The following SYT14 variants were observed in gnomAD, a reference collection of about 807,000 sequenced individuals.
The protein encoded by SYT14 is synaptotagmin 14.
SYT14 carries 32 observed loss-of-function variants against 74.2 expected under a neutral mutation model. The observed-to-expected ratio is 0.43, with a 90% CI of 0.33 to 0.58. SYT14 has a LOEUF of 0.58. Among genes scored for constraint, SYT14 ranks in the 20% least tolerant of loss-of-function variants. The pLI, the probability that SYT14 is intolerant of heterozygous loss-of-function variation, is 0.05. For synonymous variants in SYT14, 298 were observed against 337.7 expected (o/e 0.88, Z 1.29); for missense variants, 791 against 981.8 (o/e 0.81, Z 2.60).
intron 7 of SYT14, among the ~76,000 whole-genome samples, chr1:210,147,161 T>A (rs892303482): frequency 6.7e-6 from 1 of 149,958 alleles, no homozygotes; most frequent in African/African-American, 2.5e-5. Flanking sequence ...AAAGAAGTAA[T>A]AGAAACTACA....
intron 8 of SYT14, among the ~76,000 whole-genome samples, chr1:210,158,929 A>G (rs2083320676): frequency 1.3e-5 from 2 of 152,120 alleles, no homozygotes; most frequent in South Asian, 4.1e-4. Flanking sequence ...ATTTTTCCAA[A>G]GAAAGAGCAA....
chr1:210,037,054 C>A (rs1162250397), intron 5 of SYT14, among the ~76,000 whole-genome samples: 1 of 151,792 alleles, frequency 6.6e-6, no homozygotes, highest in African/African-American at 2.4e-5. Context: ...TTTATCTGGT[C>A]CTGGGCTTTT....
At chr1:210,017,457 T>G (rs1331562281) in intron 4 of SYT14, among the ~76,000 whole-genome samples, 5 of 152,170 alleles carry the variant, frequency 3.3e-5, no homozygotes, top group Non-Finnish European at 5.9e-5. Flanking sequence ...CATTTGAAAT[T>G]TTTATATAAC....
chr1:210,159,444 C>T, exon 9 of SYT14: 1 of 1,551,442 alleles, frequency 6.4e-7, no homozygotes, highest in Non-Finnish European at 8.7e-7. Context: ...TTGTCTAAAA[C>T]ACTTGATAGG....
intron 7 of SYT14, among the ~76,000 whole-genome samples, chr1:210,103,469 G>A (rs1297986176): frequency 4.2e-5 from 6 of 142,758 alleles, no homozygotes; most frequent in African/African-American, 1.3e-4. Context: ...AGAATGGTGT[G>A]AACCCAGGAG....
At chr1:210,125,295 G>C (rs2082547731) in intron 7 of SYT14, among the ~76,000 whole-genome samples, 1 of 141,682 alleles carries the variant, frequency 7.1e-6, no homozygotes, top group Non-Finnish European at 1.5e-5. Context: ...CCACTTACAA[G>C]TGAGAACATA....
At chr1:210,026,774 A>G (rs1230251889) in intron 5 of SYT14, among the ~76,000 whole-genome samples, 1 of 139,584 alleles carries the variant, frequency 7.2e-6, no homozygotes, top group Admixed American at 7.3e-5. Context: ...TGCTTTTATA[A>G]TAATTTAATA....
chr1:209,980,915 G>A (rs1313737017), intron 2 of SYT14, among the ~76,000 whole-genome samples: 1 of 152,146 alleles, frequency 6.6e-6, no homozygotes. Flanking sequence ...GCTTAGGATT[G>A]TCTTGGCTAT....
chr1:210,133,137 A>C (rs1426342290), intron 7 of SYT14, among the ~76,000 whole-genome samples: 1 of 152,184 alleles, frequency 6.6e-6, no homozygotes, highest in African/African-American at 2.4e-5. Context: ...TAGAGTCCTA[A>C]TGTTGCAGTT....
chr1:210,165,443 A>G (rs996275199), exon 10 of SYT14: 2 of 152,258 alleles, frequency 1.3e-5, no homozygotes, highest in Admixed American at 1.3e-4. Context: ...TTATTCTACC[A>G]GTTTAGCCTA....
intron 5 of SYT14, among the ~76,000 whole-genome samples, chr1:210,038,033 G>T (rs2080706875): frequency 6.6e-6 from 1 of 150,970 alleles, no homozygotes; most frequent in South Asian, 2.1e-4. Flanking sequence ...TGCTATCAGT[G>T]GGATGTTGCA....
intron 2 of SYT14, among the ~76,000 whole-genome samples, chr1:209,982,868 A>G (rs2079511086): frequency 6.6e-6 from 1 of 152,168 alleles, no homozygotes; most frequent in South Asian, 2.1e-4. Flanking sequence ...TGGAGTTGTC[A>G]GTGTTCTGGA....
At chr1:209,967,780 T>G (rs1232368559) in intron 2 of SYT14, among the ~76,000 whole-genome samples, 2 of 152,178 alleles carry the variant, frequency 1.3e-5, no homozygotes, top group African/African-American at 4.8e-5. Flanking sequence ...ATTTTGCCTA[T>G]TGTGTATCTG....
At chr1:209,941,016 C>T (rs2078721609) in intron 1 of SYT14, among the ~76,000 whole-genome samples, 1 of 152,146 alleles carries the variant, frequency 6.6e-6, no homozygotes, top group African/African-American at 2.4e-5. Flanking sequence ...CTTGACTACT[C>T]CCTTGCTTAG....
At chr1:209,990,548 T>TATATACATATATATAC (rs59238920) in intron 2 of SYT14, among the ~76,000 whole-genome samples, 7 of 68,050 alleles carry the variant, frequency 1.0e-4, no homozygotes, top group Non-Finnish European at 2.7e-4. Context: ...CGTATATATA[T>TATATACATATATATAC]GTATATATAT....
rs561069342 is a variant in SYT14, at chr1:210,052,665, C to CAAAAAAAAAAAAA, written c.1312+31418_1312+31430dup. Among the ~76,000 whole-genome samples the CAAAAAAAAAAAAA allele has an allele frequency of 2.5e-3, 104 of 42,256 alleles. 11 individuals carry two copies. Among genetic ancestry groups the CAAAAAAAAAAAAA allele is most frequent in the Non-Finnish European group, 3.3e-3 (79 of 23,612 alleles). 27.7% of individuals were successfully genotyped at this position (42,256 alleles called of 152,430 possible). ...CAGCAAGAGCGAAACTACATCTCAC[C>CAAAAAAAAAAAAA]AAAAAAAAAAAAAAAAAAAGCTCTC... is the stretch of plus-strand genomic sequence containing the variant. On this transcript the variant is annotated intron_variant, in intron 5 of 9. Coordinates refer to ENST00000637265, the Ensembl canonical transcript of SYT14.
chr1:209,967,789 T>G (rs980053472), intron 2 of SYT14, among the ~76,000 whole-genome samples: 1 of 152,092 alleles, frequency 6.6e-6, no homozygotes, highest in African/African-American at 2.4e-5. Flanking sequence ...ATTGTGTATC[T>G]GCTTTCTAGT....
At chr1:210,095,884 GTTTC>G (rs1350148551) in intron 6 of SYT14, among the ~76,000 whole-genome samples, 1 of 151,994 alleles carries the variant, frequency 6.6e-6, no homozygotes, top group Non-Finnish European at 1.5e-5. Context: ...CATGATGAAT[GTTTC>G]TTTGTGTTCC....
At chr1:210,100,543 C>T in intron 7 of SYT14, 82 bp downstream of exon 6, 2 of 1,381,860 alleles carry the variant, frequency 1.4e-6, no homozygotes, top group Non-Finnish European at 2.0e-6. Context: ...TTTAATCAAG[C>T]CAACAAGTTT....
Sources: allele counts gnomAD v4.1 joint callset (sites outside exome capture counted in the v4.1 genomes callset), GRCh38; gene constraint gnomAD v4.1.1; transcripts MANE v1.5; gene names NCBI Gene and HGNC (gene_info 2026-07-23, HGNC 2026-07-21).